The following NOS1 variants were observed in gnomAD, a reference collection of about 807,000 sequenced individuals.
NOS1 encodes nitric oxide synthase 1, also known as NOS type I.
In NOS1, 51 loss-of-function variants were observed where a neutral mutation model predicts 164.5. That is an observed-to-expected ratio of 0.31 (90% CI 0.25 to 0.39). NOS1 has a LOEUF of 0.39. NOS1 is among the 10% of genes least tolerant of loss of function. The pLI, the probability that NOS1 is intolerant of heterozygous loss-of-function variation, is 1.00. For synonymous variants in NOS1, 719 were observed against 745.8 expected, an observed-to-expected ratio of 0.96 and a Z score of 0.59; for missense variants, 1,362 against 1,885.6, an observed-to-expected ratio of 0.72 and a Z score of 5.14.
rs910117282 is a variant in NOS1, at chr12:117,214,362, T to C, written c.*947A>G. ...CAGTGGCAAAGTGGGAAGATCCTTATTGCCACCAGGCTTCTTTGAACAACA... is the reference window on the plus strand; with the variant it reads ...CAGTGGCAAAGTGGGAAGATCCTTACTGCCACCAGGCTTCTTTGAACAACA... On this transcript the variant is annotated 3_prime_UTR_variant, in exon 29 of 29. Coordinates refer to ENST00000317775, the MANE Select transcript of NOS1 (RefSeq NM_000620.5). 26 of 985,228 alleles carry C rather than the reference T, an allele frequency of 2.6e-5. No homozygotes were observed. Among genetic ancestry groups the C allele is most frequent in the Non-Finnish European group, 2.8e-5 (23 of 829,934 alleles). The allele number at this position is 985,228 out of a possible 1,614,324, so 61.0% of individuals were successfully genotyped here.
At chr12:117,313,157 A>T (rs567223171) in intron 2 of NOS1, among the ~76,000 whole-genome samples, 2 of 152,082 alleles carry the variant, frequency 1.3e-5, no homozygotes, top group South Asian at 4.2e-4. Context: ...CATCAGGACC[A>T]CACCAGCATC....
At chr12:117,312,830 C>T (rs1008824199) in intron 2 of NOS1, among the ~76,000 whole-genome samples, 1 of 152,150 alleles carries the variant, frequency 6.6e-6, no homozygotes, top group Non-Finnish European at 1.5e-5. Context: ...CCACTCATCA[C>T]ATCCATTCTA....
chr12:117,299,232 G>GTT (rs1406325539), intron 3 of NOS1, among the ~76,000 whole-genome samples: 2 of 152,220 alleles, frequency 1.3e-5, no homozygotes, highest in Non-Finnish European at 2.9e-5. Flanking sequence ...TTAAAAAATT[G>GTT]CTATGTATAG....
chr12:117,228,218 A>T (rs1010836121), intron 22 of NOS1, among the ~76,000 whole-genome samples: 5 of 152,186 alleles, frequency 3.3e-5, no homozygotes, highest in African/African-American at 1.2e-4. Context: ...CTTATGAAAT[A>T]GGTATTACTG....
At chr12:117,265,957 ATTT>A (rs60817517) in intron 11 of NOS1, among the ~76,000 whole-genome samples, 1 of 143,978 alleles carries the variant, frequency 6.9e-6, no homozygotes. Context: ...CGCCTGGCTA[ATTT>A]TTTTTTTTTT....
At chr12:117,336,051 G>A (rs1875804275) in intron 1 of NOS1, among the ~76,000 whole-genome samples, 1 of 152,044 alleles carries the variant, frequency 6.6e-6, no homozygotes, top group Non-Finnish European at 1.5e-5. Context: ...GGATAAGGCA[G>A]ATGAGGTTCA....
intron 2 of NOS1, among the ~76,000 whole-genome samples, chr12:117,328,451 G>C (rs539830313): frequency 6.6e-6 from 1 of 152,358 alleles, no homozygotes; most frequent in East Asian, 1.9e-4. Flanking sequence ...TTATAGGCGT[G>C]AGCCACCTTG....
At chr12:117,278,291 C>T (rs1002433103) in intron 8 of NOS1, among the ~76,000 whole-genome samples, 193 bp from the exon 9 acceptor site, 1 of 152,184 alleles carries the variant, frequency 6.6e-6, no homozygotes, top group Non-Finnish European at 1.5e-5. Context: ...TAGGTTGGTG[C>T]AAAAGTAATT....
chr12:117,358,784 T>G (rs948298075), intron 1 of NOS1, among the ~76,000 whole-genome samples: 7 of 152,228 alleles, frequency 4.6e-5, no homozygotes, highest in African/African-American at 9.7e-5. Context: ...TTTGGGACTT[T>G]GGGGAAAAAA....
chr12:117,243,802 T>A lies in NOS1; in HGVS notation c.2824-367A>T, dbSNP rs1870397127. ...CATCCATCTTTCCATGCATCCATCC[T>A]TCCCTCCATCTACCCACCCACTCAT... On this transcript the variant is annotated intron_variant, in intron 18 of 28. Transcript: ENST00000317775. This position sits in a 1 kb window ranked among gnomAD's most constrained non-coding sequence, Gnocchi z 4.3. Among the ~76,000 whole-genome samples the A allele has an allele frequency of 6.8e-6, 1 of 146,578 alleles. No homozygotes were observed. Among genetic ancestry groups the A allele is most frequent in the African/African-American group, 2.5e-5 (1 of 40,206 alleles).
chr12:117,343,182 T>G (rs1312289513), intron 1 of NOS1, among the ~76,000 whole-genome samples: 1 of 148,418 alleles, frequency 6.7e-6, no homozygotes, highest in Non-Finnish European at 1.5e-5. Flanking sequence ...AAAAAAAAAT[T>G]AACTACGATT....
At chr12:117,302,348 A>C (rs925435035) in intron 3 of NOS1, among the ~76,000 whole-genome samples, 4 of 152,090 alleles carry the variant, frequency 2.6e-5, no homozygotes, top group African/African-American at 7.2e-5. Context: ...TAATCCCAGC[A>C]CTTTGGGAGG....
At position 117,288,169 on chromosome 12, in the gene NOS1, A is replaced by G; in HGVS notation, c.1032T>C (p.Ser344=). ...CGTCTTCAGGCCTCCTTGCATGCTG[A>G]GAAGGATGCATGATGGAGCCCATGC... is the stretch of plus-strand genomic sequence containing the variant. ...YICMGSIMHP[S]QHARRPEDVR... Residue 344 remains serine (S), a synonymous_variant, in exon 5 of 29, where the codon TCT becomes TCC. Coordinates refer to ENST00000317775, the MANE Select transcript of NOS1 (RefSeq NM_000620.5). The G allele has an allele frequency of 6.2e-7, 1 of 1,613,782 alleles. No homozygotes were observed. The highest frequency in any genetic ancestry group is 8.5e-7 in the Non-Finnish European group (1 of 1,179,740).
chr12:117,239,056 G>A (rs1204567050), intron 20 of NOS1, among the ~76,000 whole-genome samples: 1 of 152,188 alleles, frequency 6.6e-6, no homozygotes, highest in East Asian at 1.9e-4. Context: ...AAGGGCATCT[G>A]CTAAGAGACT....
At chr12:117,239,934 C>T (rs1469201120) in intron 20 of NOS1, among the ~76,000 whole-genome samples, 2 of 149,404 alleles carry the variant, frequency 1.3e-5, no homozygotes, top group East Asian at 3.9e-4. Context: ...CTTTTAGACC[C>T]GTAGCTTAGA....
chr12:117,217,326 C>G (rs816361), intron 28 of NOS1, among the ~76,000 whole-genome samples: 40,505 of 152,000 alleles, frequency 0.27, 5,469 homozygotes, highest in Middle Eastern at 0.35. Flanking sequence ...CGTTCAAACA[C>G]TTTTGTAGAA....
At chr12:117,340,625 G>A (rs1876053691) in intron 1 of NOS1, among the ~76,000 whole-genome samples, 1 of 152,152 alleles carries the variant, frequency 6.6e-6, no homozygotes, top group South Asian at 2.1e-4. Flanking sequence ...TGCCTCCCAG[G>A]TTCAAGTGAT....
In NOS1 at chr12:117,210,584, G is replaced by A. The variant is rs567892807; in HGVS notation, c.*4725C>T. 4.1e-6 allele frequency: 4 copies of A among 985,514 alleles called. No individual in the cohort carries two copies. Among genetic ancestry groups the A allele is most frequent in the African/African-American group, 3.5e-5 (2 of 57,360 alleles). The allele number at this position is 985,514 out of a possible 1,614,324, so 61.0% of individuals were successfully genotyped here. A position where few individuals can be genotyped will look rare whatever the true frequency, so the allele number is the denominator to read the frequency against. ...AATGAAAAGGCTGCATTAGGCGCTGGTGCTGTCGGAGTGAAGGGGCTCAGG... is the reference window on the plus strand; with the variant it reads ...AATGAAAAGGCTGCATTAGGCGCTGATGCTGTCGGAGTGAAGGGGCTCAGG... On this transcript the variant is annotated 3_prime_UTR_variant, in exon 29 of 29. Coordinates refer to ENST00000317775, the MANE Select transcript of NOS1 (RefSeq NM_000620.5).
chr12:117,319,429 CA>C (rs369174857), intron 2 of NOS1, among the ~76,000 whole-genome samples: 1 of 152,320 alleles, frequency 6.6e-6, no homozygotes, highest in African/African-American at 2.4e-5. Context: ...TGGGCTCTGT[CA>C]CAATTGTGAC....
Sources: gnomAD v4.1 joint callset for allele counts (sites outside exome capture counted in the v4.1 genomes callset) on GRCh38, gnomAD v4.1.1 for gene constraint, Gnocchi (gnomAD v3.1) non-coding constraint, MANE v1.5 for transcripts, NCBI Gene and HGNC (gene_info 2026-07-23, HGNC 2026-07-21) for gene names.